Variants in MOB1B observed in about 807,000 individuals in gnomAD.
The protein encoded by MOB1B is MOB1 Mps One Binder homolog B.
Under a neutral mutation model 24.4 loss-of-function variants are expected in MOB1B, and 19 were observed. That is an observed-to-expected ratio of 0.78 (90% CI 0.54 to 1.14). The LOEUF (loss-of-function observed/expected upper bound fraction) is 1.14, where lower values mean the gene tolerates loss of function less well. Among genes scored for constraint, MOB1B ranks in the 50% most tolerant of loss-of-function variants. MOB1B has a pLI of 0.00. For missense variants in MOB1B, 243 were observed against 259.6 expected, an observed-to-expected ratio of 0.94 and a Z score of 0.44; for synonymous variants, 76 against 82.1, an observed-to-expected ratio of 0.93 and a Z score of 0.40.
intron 1 of MOB1B, among the ~76,000 whole-genome samples, chr4:70,941,313 C>A (rs993997293): frequency 6.6e-6 from 1 of 152,112 alleles, no homozygotes; most frequent in African/African-American, 2.4e-5. Flanking sequence ...TCACTTTTAT[C>A]TGCTGCAACT....
chr4:70,953,552 T>C (rs115736315), intron 1 of MOB1B, among the ~76,000 whole-genome samples: 174 of 152,286 alleles, frequency 1.1e-3, no homozygotes, highest in African/African-American at 3.9e-3. Context: ...CTCTAAATGA[T>C]ACACTTTTGT....
intron 1 of MOB1B, among the ~76,000 whole-genome samples, chr4:70,928,457 G>A (rs1369810782): frequency 3.3e-5 from 5 of 151,758 alleles, no homozygotes; most frequent in Admixed American, 2.6e-4. Flanking sequence ...CACCATGCCC[G>A]GCTAATTTTT....
At chr4:70,949,615 A>C (rs777973057) in intron 1 of MOB1B, among the ~76,000 whole-genome samples, 34 of 152,162 alleles carry the variant, frequency 2.2e-4, no homozygotes, top group Middle Eastern at 3.2e-3. Flanking sequence ...AGGTGGTTTG[A>C]AGATTAAGAT....
At chr4:70,968,264 G>A (rs555267487) in intron 2 of MOB1B, among the ~76,000 whole-genome samples, 6 of 152,132 alleles carry the variant, frequency 3.9e-5, no homozygotes, top group Non-Finnish European at 7.4e-5. Context: ...ACTTTGAATT[G>A]CTTTTTGGGT....
intron 3 of MOB1B, among the ~76,000 whole-genome samples, chr4:70,970,709 T>C (rs554207460): frequency 4.6e-5 from 7 of 152,212 alleles, no homozygotes; most frequent in Non-Finnish European, 1.0e-4. Flanking sequence ...TTACATCATA[T>C]GTCAACATTC....
chr4:70,906,220 TAAA>T (rs1185761765), intron 1 of MOB1B, among the ~76,000 whole-genome samples: 4 of 151,614 alleles, frequency 2.6e-5, no homozygotes, highest in Admixed American at 2.6e-4. Flanking sequence ...CTACTAAAAA[TAAA>T]AAAAATTAGC....
chr4:70,965,018 C>T (rs761291226), intron 2 of MOB1B, among the ~76,000 whole-genome samples: 2 of 151,496 alleles, frequency 1.3e-5, no homozygotes, highest in African/African-American at 2.4e-5. Context: ...GGGAATTGGG[C>T]TCGGCGTGGT....
intron 1 of MOB1B, among the ~76,000 whole-genome samples, chr4:70,947,158 G>A (rs1737618322): frequency 6.6e-6 from 1 of 152,174 alleles, no homozygotes; most frequent in African/African-American, 2.4e-5. Context: ...ATTTCCCTAA[G>A]CTTAAAACTA....
At chr4:70,928,443 G>C (rs926951067) in intron 1 of MOB1B, among the ~76,000 whole-genome samples, 1 of 151,652 alleles carries the variant, frequency 6.6e-6, no homozygotes, top group Non-Finnish European at 1.5e-5. Context: ...TTACAGGCGC[G>C]TGCCACCATG....
intron 1 of MOB1B, among the ~76,000 whole-genome samples, chr4:70,922,637 C>G (rs1178191511): frequency 6.6e-6 from 1 of 152,174 alleles, no homozygotes; most frequent in Non-Finnish European, 1.5e-5. Flanking sequence ...CAAAGACAAA[C>G]ATAAAATTCA....
At chr4:70,947,831 A>G (rs1187520437) in intron 1 of MOB1B, among the ~76,000 whole-genome samples, 1 of 152,080 alleles carries the variant, frequency 6.6e-6, no homozygotes, top group Non-Finnish European at 1.5e-5. Context: ...CTGGTCTTGA[A>G]CTTCTGAGAT....
At chr4:70,955,557 G>A (rs1308770840) in intron 1 of MOB1B, among the ~76,000 whole-genome samples, 1 of 126,744 alleles carries the variant, frequency 7.9e-6, no homozygotes, top group Non-Finnish European at 1.6e-5. Flanking sequence ...TGCAACCCCC[G>A]CCTCCTGGGT....
chr4:70,979,329 G>A (rs772332178), intron 5 of MOB1B, 38 bp downstream of exon 5: 1 of 1,523,908 alleles, frequency 6.6e-7, no homozygotes, highest in South Asian at 1.1e-5. Context: ...CTCAGGGTAA[G>A]CATTTATCTT....
intron 3 of MOB1B, among the ~76,000 whole-genome samples, chr4:70,970,474 T>C (rs1209183451): frequency 2.6e-5 from 4 of 152,232 alleles, no homozygotes; most frequent in Non-Finnish European, 5.9e-5. Context: ...TTTGTTATAT[T>C]TCTTACACTA....
chr4:70,943,958 A>G (rs566175757), intron 1 of MOB1B, among the ~76,000 whole-genome samples: 13 of 152,244 alleles, frequency 8.5e-5, no homozygotes, highest in Non-Finnish European at 1.8e-4. Context: ...TTTAGAATGA[A>G]AAAACACAGA....
At chr4:70,925,853 C>A (rs1327461450) in intron 1 of MOB1B, among the ~76,000 whole-genome samples, 4 of 152,206 alleles carry the variant, frequency 2.6e-5, no homozygotes, top group Non-Finnish European at 4.4e-5. Flanking sequence ...TCCTTTCACA[C>A]TTGCAATTAT....
rs1257134710 is a variant in MOB1B, at chr4:70,902,400, C to T, written c.-137C>T. ...ACTAGCTGAGCCGAACTAGTTGCGG[C>T]CACCGAGCAGCCGGCTCTCGGCACC... On this transcript the variant is annotated 5_prime_UTR_variant, in exon 1 of 6. Coordinates refer to ENST00000309395, the MANE Select transcript of MOB1B (RefSeq NM_173468.4). The T allele has an allele frequency of 1.1e-5, 10 of 903,560 alleles. No homozygotes were observed. Among genetic ancestry groups the T allele is most frequent in the African/African-American group, 6.6e-5 (4 of 60,196 alleles). 56.0% of individuals were successfully genotyped at this position (903,560 alleles called of 1,614,324 possible).
chr4:70,909,567 A>G (rs2148866586), intron 1 of MOB1B, among the ~76,000 whole-genome samples: 1 of 152,278 alleles, frequency 6.6e-6, no homozygotes, highest in African/African-American at 2.4e-5. Context: ...TGTGCCAGGG[A>G]CAAAGTGTTT....
chr4:70,942,478 T>C (rs1165574354), intron 1 of MOB1B, among the ~76,000 whole-genome samples: 1 of 152,164 alleles, frequency 6.6e-6, no homozygotes, highest in Non-Finnish European at 1.5e-5. Context: ...GAATTTCTCA[T>C]AAATGCCATG....
Sources: gnomAD v4.1 joint callset for allele counts (sites outside exome capture counted in the v4.1 genomes callset) on GRCh38, gnomAD v4.1.1 for gene constraint, MANE v1.5 for transcripts, NCBI Gene and HGNC (gene_info 2026-07-23, HGNC 2026-07-21) for gene names.